Variants in TSHR observed in about 807,000 individuals in gnomAD.
The protein encoded by TSHR is thyrotropin receptor.
A neutral mutation model predicts 64.1 loss-of-function variants in TSHR; 51 were observed. That is an observed-to-expected ratio of 0.80 (90% CI 0.64 to 1.01). The LOEUF is 1.01. TSHR is among the 50% of genes least tolerant of loss of function. The probability of loss-of-function intolerance (pLI) is 0.00; values close to 1 mark genes in which losing one functional copy is unlikely to be tolerated. For synonymous variants in TSHR, 361 were observed against 361.9 expected (o/e 1.00, Z 0.03); for missense variants, 877 against 942.8 (o/e 0.93, Z 0.91).
intron 3 of TSHR, among the ~76,000 whole-genome samples, chr14:81,075,069 G>C (rs1887398506): frequency 6.6e-6 from 1 of 152,220 alleles, no homozygotes. Context: ...AACCTAACTG[G>C]ATATGTGAAC....
At chr14:81,012,866 G>A (rs1295133263) in intron 1 of TSHR, 46 of 152,194 alleles carry the variant, frequency 3.0e-4, no homozygotes, top group African/African-American at 6.7e-4. Flanking sequence ...ACTAGGTTGC[G>A]AAAATTTTCT....
At chr14:80,961,936 A>C (rs2139687501) in intron 1 of TSHR, among the ~76,000 whole-genome samples, 1 of 152,306 alleles carries the variant, frequency 6.6e-6, no homozygotes, top group East Asian at 1.9e-4. Context: ...AAACCTTCCC[A>C]ATCCTTAGAA....
intron 8 of TSHR, among the ~76,000 whole-genome samples, chr14:81,111,987 G>A (rs1010201260): frequency 8.6e-5 from 13 of 151,962 alleles, no homozygotes; most frequent in Admixed American, 2.0e-4. Context: ...GTACTGCCTC[G>A]AAGTTGTTTT....
intron 1 of TSHR, among the ~76,000 whole-genome samples, chr14:81,008,963 T>A (rs940303069): frequency 1.3e-5 from 2 of 152,212 alleles, no homozygotes; most frequent in Admixed American, 1.3e-4. Context: ...TTTTCTTGCT[T>A]ACTGGCTAAT....
chr14:81,072,521 AAATT>A (rs988140847), intron 3 of TSHR, among the ~76,000 whole-genome samples: 1 of 152,170 alleles, frequency 6.6e-6, no homozygotes, highest in Admixed American at 6.5e-5. Flanking sequence ...GAATGGAATG[AAATT>A]AATTAATTAA....
chr14:81,032,583 C>T, intron 1 of TSHR: 1 of 444,762 alleles, frequency 2.2e-6, no homozygotes, highest in South Asian at 1.9e-5. Flanking sequence ...CTCCTTCAAT[C>T]CTGTCACCAA....
At chr14:81,120,311 C>T (rs966785294) in intron 8 of TSHR, among the ~76,000 whole-genome samples, 1 of 152,180 alleles carries the variant, frequency 6.6e-6, no homozygotes, top group South Asian at 2.1e-4. Context: ...GAACAGACAT[C>T]CAAGAACCAG....
At chr14:81,003,512 G>T in intron 1 of TSHR, 1 of 222,840 alleles carries the variant, frequency 4.5e-6, no homozygotes, top group Non-Finnish European at 9.4e-6. Flanking sequence ...CGGATACTTG[G>T]TGGCTTTTCA....
At chr14:81,114,450 C>T (rs1025920040) in intron 8 of TSHR, among the ~76,000 whole-genome samples, 6 of 152,192 alleles carry the variant, frequency 3.9e-5, no homozygotes, top group African/African-American at 1.2e-4. Context: ...TCGCTCCCAC[C>T]CGAATACTGC....
At chr14:81,006,749 G>A (rs1242594867) in intron 1 of TSHR, among the ~76,000 whole-genome samples, 1 of 151,956 alleles carries the variant, frequency 6.6e-6, no homozygotes, top group Non-Finnish European at 1.5e-5. Context: ...TCCTGACCTC[G>A]TGATCTCCCC....
chr14:80,982,038 T>A (rs3783949), intron 1 of TSHR: 1 of 416,252 alleles, frequency 2.4e-6, no homozygotes, highest in Non-Finnish European at 4.7e-6. Context: ...CGGAAAAGAG[T>A]CTGCTATACA....
chr14:80,985,197 C>T (rs1427560096), intron 1 of TSHR, among the ~76,000 whole-genome samples: 2 of 152,198 alleles, frequency 1.3e-5, no homozygotes, highest in Non-Finnish European at 2.9e-5. Context: ...TTGCAGTGGG[C>T]GGAGATCGCG....
chr14:81,001,407 G>A (rs1594938183), intron 1 of TSHR: 1 of 423,668 alleles, frequency 2.4e-6, no homozygotes, highest in East Asian at 6.1e-5. Flanking sequence ...CCGACCATGA[G>A]CTCTATAAGG....
At chr14:81,059,307 T>C (rs966483504) in intron 1 of TSHR, among the ~76,000 whole-genome samples, 1 of 152,138 alleles carries the variant, frequency 6.6e-6, no homozygotes, top group Admixed American at 6.6e-5. Flanking sequence ...TAATCACATG[T>C]TAAAAGCCAG....
At position 81,103,481 on chromosome 14, in the gene TSHR, T is replaced by C. The variant is rs866992303; in HGVS notation, c.615-4894T>C. On this transcript the variant is annotated intron_variant, in intron 7 of 9. Transcript: ENST00000298171. This position sits in a 1 kb window ranked among gnomAD's most constrained non-coding sequence, Gnocchi z 4.1. ...CCTCATTTACACTCATTTTTTAAAA[T>C]GTAACTGAATAATACAATTACAGCC... The C allele has an allele frequency of 2.1e-5, 21 of 985,494 alleles. No homozygotes were observed. The highest frequency in any genetic ancestry group is 5.2e-4 in the Middle Eastern group (1 of 1,914). 61.0% of individuals were successfully genotyped at this position (985,494 alleles called of 1,614,324 possible). A position where few individuals can be genotyped will look rare whatever the true frequency, so the allele number is the denominator to read the frequency against.
At chr14:80,972,084 C>T (rs1010599364) in intron 1 of TSHR, among the ~76,000 whole-genome samples, 3 of 152,208 alleles carry the variant, frequency 2.0e-5, no homozygotes, top group Admixed American at 6.5e-5. Flanking sequence ...TGCCTTGAAG[C>T]CAGATAAATG....
At chr14:81,095,050 T>A (rs1889064050) in intron 6 of TSHR, among the ~76,000 whole-genome samples, 1 of 152,162 alleles carries the variant, frequency 6.6e-6, no homozygotes, top group South Asian at 2.1e-4. Context: ...TCTTATTGTG[T>A]TCCCAAGGTT....
rs1295028372 is a variant in TSHR, at chr14:81,068,070, G to C, written c.243-184G>C. ...GGAGTTAATATACAGGAGGAATTCA[G>C]GTATCACAAGATCTGAAAAAAAAAG... On this transcript the variant is annotated intron_variant, in intron 2 of 9. Coordinates refer to ENST00000298171, the MANE Select transcript of TSHR (RefSeq NM_000369.5). Among the ~76,000 whole-genome samples the C allele has an allele frequency of 2.0e-5, 3 of 150,264 alleles. No homozygotes were observed. The South Asian group carries it at 6.3e-4, about 31-fold the overall frequency.
intron 1 of TSHR, among the ~76,000 whole-genome samples, chr14:81,023,739 T>G (rs1166854821): frequency 6.6e-6 from 1 of 152,160 alleles, no homozygotes; most frequent in Non-Finnish European, 1.5e-5. Flanking sequence ...GTGTTTAACT[T>G]TTCCCTTCAA....
Sources: allele counts gnomAD v4.1 joint callset (sites outside exome capture counted in the v4.1 genomes callset), GRCh38; gene constraint gnomAD v4.1.1; non-coding constraint Gnocchi (gnomAD v3.1); transcripts MANE v1.5; gene names NCBI Gene and HGNC (gene_info 2026-07-23, HGNC 2026-07-21).